The following LRRK2 variants were observed in gnomAD, a reference collection of about 807,000 sequenced individuals.
LRRK2 encodes the protein leucine rich repeat kinase 2.
In LRRK2, 203 loss-of-function variants were observed where a neutral mutation model predicts 302.6. The observed-to-expected ratio is 0.67, with a 90% CI of 0.60 to 0.75. The LOEUF (loss-of-function observed/expected upper bound fraction) is 0.75. Ranked by LOEUF, LRRK2 falls within the 30% of genes least tolerant of loss-of-function variation. LRRK2 has a pLI of 0.00. For synonymous variants in LRRK2, 1,066 were observed against 1,031.9 expected (o/e 1.03, Z -0.63); for missense variants, 2,830 against 2,951.0 (o/e 0.96, Z 0.95).
At chr12:40,330,733 T>C (rs1376701805) in intron 39 of LRRK2, among the ~76,000 whole-genome samples, 3 of 152,202 alleles carry the variant, frequency 2.0e-5, no homozygotes, top group Admixed American at 6.5e-5. Context: ...TTACTTATGA[T>C]TCATTATTGC....
At position 40,351,540 on chromosome 12, in the gene LRRK2, T is replaced by A. The variant is rs749860384; in HGVS notation, c.6383T>A (p.Val2128Asp). Residue 2128 changes from valine to aspartate, a missense_variant and splice_region_variant, in exon 44 of 51, where the codon GTC (valine) becomes GAC (aspartate). Around this residue, in one of 3 missense-constraint regions of LRRK2, gnomAD observed 253 missense variants for 346.7 expected, o/e 0.73. Coordinates refer to ENST00000298910, the MANE Select transcript of LRRK2 (RefSeq NM_198578.4). ...NPQERPTSAQ[V>D]FDILNSAELV... ...TTTGTTATCTTTAAACTTTCTCAGG[T>A]CTTTGACATTTTGAATTCAGCTGAA... is the stretch of plus-strand genomic sequence containing the variant. 2 of 1,614,068 alleles carry A rather than the reference T, an allele frequency of 1.2e-6. No individual in the cohort carries two copies. The highest frequency in any genetic ancestry group is 2.2e-5 in the South Asian group (2 of 91,072).
intron 30 of LRRK2, among the ~76,000 whole-genome samples, chr12:40,309,609 CA>C (rs1274506677): frequency 6.6e-6 from 1 of 152,048 alleles, no homozygotes; most frequent in Admixed American, 6.6e-5. Context: ...ACTTTGTACT[CA>C]GGGGCCATTT....
At chr12:40,354,237 A>T in intron 44 of LRRK2, 62 bp from the exon 45 acceptor site, 2 of 1,380,762 alleles carry the variant, frequency 1.4e-6, no homozygotes, top group African/African-American at 1.4e-5. Flanking sequence ...TTTATTCTGT[A>T]CAAGTTCTAG....
Position 40,293,643 on chromosome 12 carries a change from CAA to C in LRRK2, c.2790_2791del (p.Arg931ThrfsTer10), listed in dbSNP as rs1362025551. 3 of 1,607,466 alleles carry C rather than the reference CAA, an allele frequency of 1.9e-6. No homozygotes were observed. Among genetic ancestry groups the C allele is most frequent in the Admixed American group, 1.7e-5 (1 of 59,812 alleles). The stretch of plus-strand genomic sequence containing the variant: ...ATTACAGCGTTGCTCACCAAATTTG[CAA>C]AGACATTCCAATTCCTTGGTAAGTT... The part of the protein sequence containing the change: ...AVLQRCSPNL[Q>X]RHSNSLGPIF... On this transcript the variant is annotated frameshift_variant, in exon 21 of 51. Transcript: ENST00000298910. LOFTEE classifies it high-confidence loss of function.
chr12:40,362,531 C>T (rs1946745102), intron 47 of LRRK2, among the ~76,000 whole-genome samples: 1 of 151,956 alleles, frequency 6.6e-6, no homozygotes, highest in African/African-American at 2.4e-5. Flanking sequence ...TATGAAATTA[C>T]ACTCATAATC....
chr12:40,270,986 C>G (rs995563098), intron 14 of LRRK2, among the ~76,000 whole-genome samples: 1 of 151,962 alleles, frequency 6.6e-6, no homozygotes, highest in African/African-American at 2.4e-5. Context: ...CACTATGTTG[C>G]CCAGGCTGGT....
intron 48 of LRRK2, 109 bp downstream of exon 48, chr12:40,363,663 T>A: frequency 3.2e-6 from 4 of 1,255,706 alleles, no homozygotes; most frequent in African/African-American, 3.0e-5. Context: ...AGAATTTTTT[T>A]AAAATGCAGA....
In LRRK2 at chr12:40,359,423, T is replaced by C. The variant is rs1390360497; in HGVS notation, c.7007T>C (p.Ile2336Thr). Residue 2336 changes from isoleucine (I) to threonine (T), a missense_variant, in exon 47 of 51, where the codon ATT (isoleucine) becomes ACT (threonine). Physicochemically the swap from Ile to Thr is moderately conservative, Grantham distance 89. Transcript: ENST00000298910. ...FSNDFTIQKL[I>T]ETRTSQLFSY... is the part of the protein sequence containing the mutation. ...AATGATTTCACCATTCAGAAACTCA[T>C]TGAGACAAGAACAAGCCAACTGTAA... 1.9e-6 allele frequency: 3 copies of C among 1,613,168 alleles called. No individual in the cohort carries two copies. Among genetic ancestry groups the C allele is most frequent in the South Asian group, 1.1e-5 (1 of 91,052 alleles).
chr12:40,246,804 C>G (rs1282571280), intron 7 of LRRK2, among the ~76,000 whole-genome samples: 1 of 152,130 alleles, frequency 6.6e-6, no homozygotes. Context: ...AATGCAGCGC[C>G]AGGATTCATG....
At chr12:40,284,836 A>G (rs993093969) in intron 19 of LRRK2, among the ~76,000 whole-genome samples, 8 of 152,106 alleles carry the variant, frequency 5.3e-5, no homozygotes, top group Admixed American at 2.6e-4. Context: ...TCAACACCTT[A>G]AGGACCATCT....
intron 10 of LRRK2, among the ~76,000 whole-genome samples, chr12:40,252,192 A>G (rs1203171105): frequency 1.3e-5 from 2 of 152,198 alleles, no homozygotes; most frequent in East Asian, 3.8e-4. Context: ...TGCTATTTGC[A>G]ATGGGTATCC....
chr12:40,291,724 ATTGT>A (rs763798400), intron 20 of LRRK2, among the ~76,000 whole-genome samples: 20 of 152,056 alleles, frequency 1.3e-4, no homozygotes, highest in African/African-American at 2.9e-4. Flanking sequence ...AATAGGCCAA[ATTGT>A]TTGGTAGGAT....
chr12:40,323,911 A>AG (rs1470469108), intron 38 of LRRK2, among the ~76,000 whole-genome samples: 1 of 151,652 alleles, frequency 6.6e-6, no homozygotes, highest in African/African-American at 2.4e-5. Context: ...TAGCATGTTT[A>AG]GGTGCTCATT....
At chr12:40,239,512 T>C (rs10878249) in intron 5 of LRRK2, among the ~76,000 whole-genome samples, 54,437 of 151,968 alleles carry the variant, frequency 0.36, 10,409 homozygotes, top group South Asian at 0.46. Flanking sequence ...TCTAAGACAC[T>C]GGAGGTAGAC....
intron 11 of LRRK2, among the ~76,000 whole-genome samples, chr12:40,255,843 T>A (rs1382422538): frequency 6.6e-6 from 1 of 152,202 alleles, no homozygotes; most frequent in East Asian, 1.9e-4. Context: ...CTCTTTATTG[T>A]ATCTTAATAT....
At position 40,294,914 on chromosome 12, in the gene LRRK2, A is replaced by C. The variant is rs1245218782; in HGVS notation, c.2878A>C (p.Arg960=). 1 of 1,512,798 alleles carries C rather than the reference A, an allele frequency of 6.6e-7. No individual in the cohort carries two copies. 93.7% of individuals were successfully genotyped at this position (1,512,798 alleles called of 1,614,324 possible). A position where few individuals can be genotyped will look rare whatever the true frequency, so the allele number is the denominator to read the frequency against. Residue 960 remains arginine (R), a splice_region_variant and synonymous_variant, in exon 22 of 51, where the codon AGG becomes CGG. Transcript: ENST00000298910. The stretch of plus-strand genomic sequence containing the variant: ...AATATTATCTTCAGATGATTCACTC[A>C]GTAAGTATTTGGATGTAATCATAAG... ...RKILSSDDSL[R]SSKLQSHMRH...
At chr12:40,347,509 T>C (rs17520459) in intron 42 of LRRK2, among the ~76,000 whole-genome samples, 5,023 of 152,310 alleles carry the variant, frequency 0.033, 287 homozygotes, top group African/African-American at 0.12. Context: ...ATTTAAAAAA[T>C]ACTTTTGAGT....
At chr12:40,292,728 CTTTCT>C (rs1944207532) in intron 20 of LRRK2, among the ~76,000 whole-genome samples, 1 of 151,684 alleles carries the variant, frequency 6.6e-6, no homozygotes, top group Admixed American at 6.6e-5. Context: ...AAAATGAATT[CTTTCT>C]TTTTCTAAGA....
Position 40,308,492 on chromosome 12 carries a change from G to T in LRRK2, c.3985G>T (p.Ala1329Ser), listed in dbSNP as rs746160900. 3 of 1,613,558 alleles carry T rather than the reference G, an allele frequency of 1.9e-6. No homozygotes were observed. The highest frequency in any genetic ancestry group is 1.3e-5 in the African/African-American group (1 of 74,876). The change falls in exon 29 of 51, where the codon GCT (alanine) becomes TCT (serine). Residue 1329 changes from alanine (A) to serine (S), a missense_variant. Transcript: ENST00000298910. ...GTTTCTTCAACAGCGATTAAAAAAG[G>T]CTGTGCCTTATAACCGAATGAAACT... ...IRFLQQRLKK[A>S]VPYNRMKLMI...
Sources: allele counts gnomAD v4.1 joint callset (sites outside exome capture counted in the v4.1 genomes callset), GRCh38; gene constraint gnomAD v4.1.1; regional missense constraint gnomAD v4.1.1; transcripts MANE v1.5; gene names NCBI Gene and HGNC (gene_info 2026-07-23, HGNC 2026-07-21).